Variants in SLC27A2 observed in about 807,000 individuals in gnomAD.
SLC27A2 encodes solute carrier family 27 member 2, also known as long-chain fatty acid transport protein 2.
SLC27A2 carries 54 observed loss-of-function variants against 60.0 expected under a neutral mutation model. The observed-to-expected ratio is 0.90, with a 90% CI of 0.72 to 1.13. SLC27A2 has a LOEUF of 1.13. Among genes scored for constraint, SLC27A2 ranks in the 50% most tolerant of loss-of-function variants. The probability of loss-of-function intolerance (pLI) is 0.00; values close to 1 mark genes in which losing one functional copy is unlikely to be tolerated. For missense variants in SLC27A2, 739 were observed against 777.6 expected (o/e 0.95, Z 0.59); for synonymous variants, 297 against 297.6 (o/e 1.00, Z 0.02).
chr15:50,229,550 C>G (rs1211634836), intron 8 of SLC27A2, among the ~76,000 whole-genome samples: 2 of 152,200 alleles, frequency 1.3e-5, no homozygotes, highest in Non-Finnish European at 2.9e-5. Context: ...CCACTTCTGC[C>G]AGCAGAGTCA....
rs772917930 is a variant in SLC27A2, at chr15:50,182,916, A to T, written c.478+11A>T. 3.1e-6 allele frequency: 5 copies of T among 1,593,246 alleles called. No individual in the cohort carries two copies. Among genetic ancestry groups the T allele is most frequent in the Admixed American group, 3.4e-5 (2 of 59,204 alleles). The stretch of plus-strand genomic sequence containing the variant: ...TGCTGGTGTCGCCAGGTGAGCCCCG[A>T]GGATCGCCCTGCCCTGGCACCAGGG... On this transcript the variant is annotated intron_variant, in intron 1 of 9. Coordinates refer to ENST00000267842, the MANE Select transcript of SLC27A2 (RefSeq NM_003645.4).
chr15:50,216,610 G>GTATATA (rs59683706), intron 4 of SLC27A2, among the ~76,000 whole-genome samples: 14 of 66,460 alleles, frequency 2.1e-4, no homozygotes, highest in African/African-American at 3.9e-4. Flanking sequence ...GTGTGTGTGT[G>GTATATA]TATATATATA....
At chr15:50,231,432 T>A (rs2140915167) in intron 8 of SLC27A2, among the ~76,000 whole-genome samples, 1 of 152,246 alleles carries the variant, frequency 6.6e-6, no homozygotes, top group Non-Finnish European at 1.5e-5. Flanking sequence ...ATTACAGGCA[T>A]GAGCCACCAC....
chr15:50,182,859 G>A lies in SLC27A2; in HGVS notation c.432G>A (p.Leu144=). ...LNYNIRAKSL[L]HCFQCCGAKV... ...ACAACATCCGCGCGAAGTCCCTGCT[G>A]CACTGCTTCCAGTGCTGCGGGGCGA... The change falls in exon 1 of 10, where the codon CTG becomes CTA. Residue 144 remains leucine, a synonymous_variant. Transcript: ENST00000267842. The A allele has an allele frequency of 1.2e-6, 2 of 1,612,964 alleles. No individual in the cohort carries two copies. The highest frequency in any genetic ancestry group is 1.7e-6 in the Non-Finnish European group (2 of 1,179,932).
intron 1 of SLC27A2, among the ~76,000 whole-genome samples, chr15:50,194,826 G>C (rs777859956): frequency 1.1e-4 from 16 of 151,874 alleles, no homozygotes; most frequent in Non-Finnish European, 1.5e-4. Flanking sequence ...GGGGAATAAA[G>C]ATTCTTGGGG....
chr15:50,213,304 A>G (rs1198970219), intron 4 of SLC27A2, among the ~76,000 whole-genome samples: 1 of 152,248 alleles, frequency 6.6e-6, no homozygotes, highest in African/African-American at 2.4e-5. Context: ...AAATTTATAA[A>G]GCAATTGCTA....
chr15:50,210,320 G>A (rs961441624), intron 4 of SLC27A2, among the ~76,000 whole-genome samples: 1 of 152,276 alleles, frequency 6.6e-6, no homozygotes, highest in African/African-American at 2.4e-5. Context: ...TACTGTGATC[G>A]CCCCAACTGC....
rs115464180 is a variant in SLC27A2, at chr15:50,227,326, G to A, written c.1457+148G>A. On this transcript the variant is annotated intron_variant, in intron 7 of 9. Coordinates refer to ENST00000267842, the MANE Select transcript of SLC27A2 (RefSeq NM_003645.4). The stretch of plus-strand genomic sequence containing the variant: ...AAACTCCTGTGTTCCCAGAGAATGA[G>A]GAATGAAGTGCATGAAGTGTCACTC... 1.1e-4 allele frequency: 73 copies of A among 651,512 alleles called. No homozygotes were observed. The African/African-American group carries it at 1.3e-3, about 12-fold the overall frequency. The allele number at this position is 651,512 out of a possible 1,614,324, so 40.4% of individuals were successfully genotyped here. A position where few individuals can be genotyped will look rare whatever the true frequency, so the allele number is the denominator to read the frequency against.
chr15:50,208,898 T>A (rs1167918934), intron 4 of SLC27A2, among the ~76,000 whole-genome samples: 1 of 152,240 alleles, frequency 6.6e-6, no homozygotes, highest in Non-Finnish European at 1.5e-5. Flanking sequence ...TCGGTTTTTG[T>A]AGTTGCCTAA....
At chr15:50,223,428 T>A (rs919260524) in intron 5 of SLC27A2, among the ~76,000 whole-genome samples, 1 of 152,238 alleles carries the variant, frequency 6.6e-6, no homozygotes, top group African/African-American at 2.4e-5. Context: ...ATGCCATTTA[T>A]ACTTGCATGT....
intron 1 of SLC27A2, among the ~76,000 whole-genome samples, chr15:50,196,054 A>AAAAAAAAAAAAAATAAAAAT (rs1291003660): frequency 1.8e-4 from 1 of 5,484 alleles, no homozygotes; most frequent in Admixed American, 3.0e-3. Flanking sequence ...ACTCTGTCTC[A>AAAAAAAAAAAAAATAAAAAT]AAAAAAAAAA....
intron 1 of SLC27A2, among the ~76,000 whole-genome samples, chr15:50,183,998 T>TTTTTTTC (rs1350698282): frequency 1.7e-5 from 2 of 119,238 alleles, no homozygotes; most frequent in African/African-American, 7.0e-5. Context: ...CTACATCTTT[T>TTTTTTTC]TTTTTTTTTT....
chr15:50,203,941 C>G (rs2045086779), intron 3 of SLC27A2, among the ~76,000 whole-genome samples: 1 of 152,064 alleles, frequency 6.6e-6, no homozygotes, highest in Admixed American at 6.6e-5. Context: ...CGGGACTTCC[C>G]AGCCTCCAGA....
At chr15:50,208,858 T>C (rs2045133529) in intron 4 of SLC27A2, among the ~76,000 whole-genome samples, 1 of 152,242 alleles carries the variant, frequency 6.6e-6, no homozygotes, top group South Asian at 2.1e-4. Context: ...TCTGATTCAT[T>C]TCTTGCAGTG....
intron 8 of SLC27A2, 114 bp downstream of exon 8, chr15:50,229,156 C>A: frequency 1.5e-6 from 1 of 682,868 alleles, no homozygotes; most frequent in Non-Finnish European, 2.6e-6. Flanking sequence ...ACAGTTCTTT[C>A]AGCTGCCAGG....
intron 3 of SLC27A2, among the ~76,000 whole-genome samples, chr15:50,203,086 G>C (rs1031172163): frequency 2.6e-5 from 4 of 151,640 alleles, no homozygotes; most frequent in Non-Finnish European, 4.4e-5. Flanking sequence ...TACCCAGGAG[G>C]CTGAAGTAGA....
chr15:50,212,906 A>G (rs973385096), intron 4 of SLC27A2, among the ~76,000 whole-genome samples: 2 of 152,196 alleles, frequency 1.3e-5, no homozygotes, highest in African/African-American at 4.8e-5. Flanking sequence ...CAAAAAAACA[A>G]AAGTTCACAG....
chr15:50,188,320 G>A (rs967330741), intron 1 of SLC27A2, among the ~76,000 whole-genome samples: 65 of 152,228 alleles, frequency 4.3e-4, no homozygotes, highest in Middle Eastern at 3.4e-3. Context: ...AGGATATTGC[G>A]ATGTAAGAAC....
In SLC27A2 at chr15:50,205,325, A is replaced by G. The variant is rs565751790; in HGVS notation, c.934A>G (p.Ile312Val). Residue 312 changes from isoleucine (I) to valine (V), a missense_variant, in exon 4 of 10, where the codon ATC (isoleucine) becomes GTC (valine). By Grantham distance (29) the Ile-to-Val change is conservative (BLOSUM62 3). Coordinates refer to ENST00000267842, the MANE Select transcript of SLC27A2 (RefSeq NM_003645.4). ...ATACAACGTCACTGTCATTCAGTAT[A>G]TCGGTGAACTGCTTCGGTATTTATG... ...RKYNVTVIQY[I>V]GELLRYLCNS... 8 of 1,609,646 alleles carry G rather than the reference A, an allele frequency of 5.0e-6. No individual in the cohort carries two copies. In the Admixed American group the frequency reaches 8.4e-5, roughly 17 times the overall value.
Sources: gnomAD v4.1 joint callset for allele counts (sites outside exome capture counted in the v4.1 genomes callset) on GRCh38, gnomAD v4.1.1 for gene constraint, MANE v1.5 for transcripts, NCBI Gene and HGNC (gene_info 2026-07-23, HGNC 2026-07-21) for gene names.